The following TFB1M variants were observed in gnomAD, a reference collection of about 807,000 sequenced individuals.
TFB1M encodes dimethyladenosine transferase 1, mitochondrial.
TFB1M carries 27 observed loss-of-function variants against 31.1 expected under a neutral mutation model. The ratio of observed to expected loss-of-function variants is 0.87; its 90% CI spans 0.64 to 1.20. The LOEUF is 1.20. TFB1M is among the 50% of genes most tolerant of loss of function. The pLI is 0.00. For missense variants in TFB1M, 394 were observed against 418.7 expected, an observed-to-expected ratio of 0.94 and a Z score of 0.51; for synonymous variants, 166 against 151.8, an observed-to-expected ratio of 1.09 and a Z score of -0.69.
chr6:155,286,680 TA>T (rs1299255896), intron 4 of TFB1M, among the ~76,000 whole-genome samples: 1 of 149,418 alleles, frequency 6.7e-6, no homozygotes, highest in African/African-American at 2.5e-5. Context: ...CATATATATA[TA>T]TTTTTTTGAT....
downstream of TFB1M, chr6:155,254,349 G>T: frequency 6.4e-7 from 1 of 1,566,098 alleles, no homozygotes; most frequent in Non-Finnish European, 8.7e-7. Flanking sequence ...CAGGAACACA[G>T]GCGGGCGTGG....
chr6:155,249,505 T>C, the TFB1M span, among the ~76,000 whole-genome samples: 1 of 152,178 alleles, frequency 6.6e-6, no homozygotes, highest in African/African-American at 2.4e-5. Flanking sequence ...GGTTTAGTCT[T>C]TGAGTTATTG....
intron 5 of TFB1M, among the ~76,000 whole-genome samples, chr6:155,279,384 G>GAC (rs1785383620): frequency 6.6e-6 from 1 of 152,130 alleles, no homozygotes; most frequent in Non-Finnish European, 1.5e-5. Context: ...GTTAACGACT[G>GAC]ACTAGTTCTG....
At chr6:155,239,587 A>T in the TFB1M span, among the ~76,000 whole-genome samples, 2 of 152,234 alleles carry the variant, frequency 1.3e-5, no homozygotes, top group Non-Finnish European at 2.9e-5. Context: ...TGTCTTTGAG[A>T]AGGCGGAAGC....
chr6:155,255,220 C>T (rs150514086), downstream of TFB1M: 593 of 152,300 alleles, frequency 3.9e-3, 2 homozygotes, highest in Middle Eastern at 6.8e-3. Context: ...AATGCATTCT[C>T]GACTTTCCAT....
chr6:155,240,535 T>A, the TFB1M span: 1 of 1,610,784 alleles, frequency 6.2e-7, no homozygotes, highest in Non-Finnish European at 8.5e-7. Context: ...CTCAGAGTGC[T>A]GAGCAGATCA....
chr6:155,286,620 TATATATGTGTGC>T (rs1489128941), intron 4 of TFB1M, among the ~76,000 whole-genome samples: 1 of 141,292 alleles, frequency 7.1e-6, no homozygotes, highest in Non-Finnish European at 1.5e-5. Context: ...TATATATGTG[TATATATGTGTGC>T]ATATATGTGT....
chr6:155,308,440 T>A (rs1777879483), intron 2 of TFB1M, among the ~76,000 whole-genome samples: 1 of 152,174 alleles, frequency 6.6e-6, no homozygotes. Context: ...AAGATATTAT[T>A]CAGTGCTTTC....
intron 5 of TFB1M, among the ~76,000 whole-genome samples, chr6:155,279,578 T>C (rs1246339878): frequency 3.9e-5 from 6 of 152,244 alleles, no homozygotes; most frequent in African/African-American, 7.2e-5. Flanking sequence ...TTTTCTCATA[T>C]GTCTTTCATC....
In TFB1M at chr6:155,311,346, GAA is replaced by G. The variant is rs1177013054; in HGVS notation, c.134-9_134-8del. 2.5e-6 allele frequency: 4 copies of G among 1,612,768 alleles called. No individual in the cohort carries two copies. The highest frequency in any genetic ancestry group is 4.5e-5 in the East Asian group (2 of 44,874). On this transcript the variant is annotated splice_polypyrimidine_tract_variant and splice_region_variant and intron_variant, in intron 1 of 6. Transcript: ENST00000367166. The stretch of plus-strand genomic sequence containing the variant: ...GCTTTCCTTACAATCTTATCTAGAG[GAA>G]AAAGAGTTTTAGTTATCTCAATTAA...
Position 155,279,508 on chromosome 6 carries a change from C to G in TFB1M, c.666+5650G>C, listed in dbSNP as rs547694041. On this transcript the variant is annotated intron_variant, in intron 5 of 6. Coordinates refer to ENST00000367166, the MANE Select transcript of TFB1M (RefSeq NM_016020.4). The stretch of plus-strand genomic sequence containing the variant: ...TAGTCAGCATAGTGAATAAGAGGTG[C>G]AGGGAGGGCAGGCCCACTAGGGTAG... Among the ~76,000 whole-genome samples the G allele has an allele frequency of 2.0e-5, 3 of 152,234 alleles. No homozygotes were observed. The South Asian group carries it at 6.2e-4, about 32-fold the overall frequency.
the TFB1M span, among the ~76,000 whole-genome samples, chr6:155,239,785 G>A: frequency 2.7e-3 from 417 of 152,264 alleles, 2 homozygotes; most frequent in African/African-American, 9.2e-3. Flanking sequence ...CTCCCTCCTC[G>A]CAGAGGTTTC....
chr6:155,280,167 C>T (rs138266615), intron 5 of TFB1M, among the ~76,000 whole-genome samples: 57 of 152,156 alleles, frequency 3.7e-4, no homozygotes, highest in Middle Eastern at 3.4e-3. Context: ...CAAGCAACTG[C>T]GGCAGAGAGG....
chr6:155,230,474 A>G, the TFB1M span, among the ~76,000 whole-genome samples: 1 of 151,940 alleles, frequency 6.6e-6, no homozygotes, highest in South Asian at 2.1e-4. Context: ...AGGACCCCCC[A>G]CTTTCGGCAC....
the TFB1M span, chr6:155,240,548 G>C: frequency 2.5e-6 from 4 of 1,613,808 alleles, no homozygotes; most frequent in Non-Finnish European, 2.5e-6. Context: ...GCAGATCACT[G>C]CACTGTGCAG....
chr6:155,298,216 C>T (rs937594033), intron 3 of TFB1M, among the ~76,000 whole-genome samples: 1 of 151,886 alleles, frequency 6.6e-6, no homozygotes, highest in Non-Finnish European at 1.5e-5. Flanking sequence ...TATATGGTAT[C>T]ACAAAAAATG....
the TFB1M span, among the ~76,000 whole-genome samples, chr6:155,231,821 T>C: frequency 6.6e-6 from 1 of 152,236 alleles, no homozygotes; most frequent in Non-Finnish European, 1.5e-5. Flanking sequence ...GCGCCTGTAA[T>C]CCCAGTATTT....
chr6:155,243,853 A>T, the TFB1M span, among the ~76,000 whole-genome samples: 2 of 144,648 alleles, frequency 1.4e-5, no homozygotes, highest in Non-Finnish European at 3.0e-5. Flanking sequence ...TCTCAAAAAA[A>T]AAAAAAAAAA....
chr6:155,242,687 G>C, the TFB1M span, among the ~76,000 whole-genome samples: 1 of 152,164 alleles, frequency 6.6e-6, no homozygotes, highest in Non-Finnish European at 1.5e-5. Flanking sequence ...CAGAATAAAA[G>C]AGAAATCTTT....
Sources: allele counts gnomAD v4.1 joint callset (sites outside exome capture counted in the v4.1 genomes callset), GRCh38; gene constraint gnomAD v4.1.1; transcripts MANE v1.5; gene names NCBI Gene and HGNC (gene_info 2026-07-23, HGNC 2026-07-21).